Variants in DDX60L observed in about 807,000 individuals in gnomAD.
DDX60L encodes the protein probable ATP-dependent RNA helicase DDX60-like.
DDX60L carries 191 observed loss-of-function variants against 211.6 expected under a neutral mutation model. The ratio of observed to expected loss-of-function variants is 0.90; its 90% CI spans 0.80 to 1.02. DDX60L has a LOEUF of 1.02. DDX60L is among the 50% of genes least tolerant of loss of function. DDX60L has a pLI of 0.00. For synonymous variants in DDX60L, 706 were observed against 694.1 expected (o/e 1.02, Z -0.27); for missense variants, 2,007 against 1,984.1 (o/e 1.01, Z -0.22).
At chr4:168,424,484 C>T (rs1751156114) in intron 14 of DDX60L, among the ~76,000 whole-genome samples, 1 of 152,128 alleles carries the variant, frequency 6.6e-6, no homozygotes, top group African/African-American at 2.4e-5. Context: ...ATGCAGACCA[C>T]CAATGTATGC....
chr4:168,375,257 G>A, intron 34 of DDX60L, 120 bp downstream of exon 34: 1 of 1,057,302 alleles, frequency 9.5e-7, no homozygotes, highest in Non-Finnish European at 1.4e-6. Context: ...ACTTGGGTTA[G>A]TACAGCTGCC....
In DDX60L at chr4:168,456,094, C is replaced by A. The variant is rs370061220; in HGVS notation, c.782G>T (p.Arg261Leu). 1 of 1,595,692 alleles carries A rather than the reference C, an allele frequency of 6.3e-7. No homozygotes were observed. The highest frequency in any genetic ancestry group is 8.5e-7 in the Non-Finnish European group (1 of 1,172,970). ...TGAACATGAAGTGACACAGAGAACA[C>A]GCTGGATGTCCGATCCTTCTGACCA... ...HLWSEGSDIQ[R>L]VLCVTSCSLS... The change falls in exon 7 of 38, where the codon CGT (arginine) becomes CTT (leucine). Residue 261 changes from arginine to leucine, a missense_variant. Transcript: ENST00000682922.
chr4:168,360,821 A>AG (rs1738974863), intron 37 of DDX60L, among the ~76,000 whole-genome samples: 1 of 152,240 alleles, frequency 6.6e-6, no homozygotes, highest in Non-Finnish European at 1.5e-5. Flanking sequence ...ACTGCTCAGC[A>AG]TTTGTAGAAA....
chr4:168,399,827 T>G (rs76780220), intron 26 of DDX60L, among the ~76,000 whole-genome samples: 639 of 152,318 alleles, frequency 4.2e-3, no homozygotes, highest in African/African-American at 0.014. Flanking sequence ...ACGATTGGTA[T>G]GGCAATTCAT....
At chr4:168,472,291 A>G (rs1047285549) in intron 3 of DDX60L, among the ~76,000 whole-genome samples, 164 bp downstream of exon 3, 11 of 152,190 alleles carry the variant, frequency 7.2e-5, no homozygotes, top group Non-Finnish European at 1.5e-4. Flanking sequence ...CTGTTCAGTG[A>G]CAGCTAAGAC....
chr4:168,442,862 C>T (rs1298733874), intron 9 of DDX60L, among the ~76,000 whole-genome samples: 1 of 151,208 alleles, frequency 6.6e-6, no homozygotes, highest in African/African-American at 2.4e-5. Flanking sequence ...ACATCCACAC[C>T]AAAAACCCAT....
intron 18 of DDX60L, 42 bp downstream of exon 18, chr4:168,420,219 C>T (rs1750268148): frequency 6.9e-7 from 1 of 1,454,584 alleles, no homozygotes; most frequent in African/African-American, 1.4e-5. Context: ...ATAAGTACTG[C>T]TCTATAATTT....
At chr4:168,432,242 T>TTG (rs367842213) in intron 12 of DDX60L, among the ~76,000 whole-genome samples, 19,750 of 147,816 alleles carry the variant, frequency 0.13, 1,774 homozygotes, top group Non-Finnish European at 0.19. Context: ...TATATATATA[T>TTG]TGTGTGTGTG....
intron 30 of DDX60L, among the ~76,000 whole-genome samples, chr4:168,381,846 C>T (rs1489231): frequency 0.92 from 139,921 of 152,146 alleles, 65,467 homozygotes; most frequent in East Asian, 1. Flanking sequence ...TCCTCAAATA[C>T]GCAGGAGCCC....
intron 26 of DDX60L, among the ~76,000 whole-genome samples, chr4:168,396,687 C>A (rs1381794210): frequency 2.0e-5 from 3 of 151,774 alleles, no homozygotes; most frequent in Non-Finnish European, 4.4e-5. Context: ...AGTTCCTAGT[C>A]CTGAAAAAAG....
intron 37 of DDX60L, 110 bp from the exon 38 acceptor site, chr4:168,358,386 A>G: frequency 1.3e-6 from 1 of 765,792 alleles, no homozygotes; most frequent in Admixed American, 3.5e-5. Flanking sequence ...ATCAGATGTA[A>G]ATATGGAGAA....
rs143507913 is a variant in DDX60L, at chr4:168,472,010, A to G, written c.75-74T>C. 170 of 1,255,356 alleles carry G rather than the reference A, an allele frequency of 1.4e-4. 1 individual carries two copies. The East Asian group carries it at 3.6e-3, about 27-fold the overall frequency. The allele number at this position is 1,255,356 out of a possible 1,614,324, so 77.8% of individuals were successfully genotyped here. A position where few individuals can be genotyped will look rare whatever the true frequency, so the allele number is the denominator to read the frequency against. ...CTTTGTTGCTGTTGTTGTTACTATT[A>G]TTGCATAAGCTACTGTTTGTTGAGT... On this transcript the variant is annotated intron_variant, in intron 3 of 37. Transcript: ENST00000682922.
chr4:168,450,019 C>A (rs1304592276), intron 8 of DDX60L, among the ~76,000 whole-genome samples: 1 of 152,124 alleles, frequency 6.6e-6, no homozygotes, highest in Non-Finnish European at 1.5e-5. Flanking sequence ...AAGATGATAA[C>A]AGCCCTTTCT....
chr4:168,374,742 T>C (rs982082135), intron 34 of DDX60L, among the ~76,000 whole-genome samples: 14 of 152,240 alleles, frequency 9.2e-5, no homozygotes. Context: ...GTGGCTACCA[T>C]GTTGGGTAGA....
intron 1 of DDX60L, among the ~76,000 whole-genome samples, chr4:168,478,857 T>C (rs996501144): frequency 2.0e-5 from 3 of 152,180 alleles, no homozygotes; most frequent in Non-Finnish European, 2.9e-5. Flanking sequence ...ACTGTGAGAC[T>C]AAGTATGAAG....
chr4:168,420,168 A>G (rs1023458291), intron 18 of DDX60L, 93 bp downstream of exon 18: 1 of 1,075,978 alleles, frequency 9.3e-7, no homozygotes, highest in Non-Finnish European at 1.3e-6. Flanking sequence ...AATGATTTCT[A>G]TAAGGGCTTG....
intron 4 of DDX60L, among the ~76,000 whole-genome samples, chr4:168,466,112 TAAAA>T (rs898067573): frequency 1.3e-5 from 2 of 151,060 alleles, no homozygotes; most frequent in Non-Finnish European, 3.0e-5. Flanking sequence ...AAATAGAAAA[TAAAA>T]AAGATCTTAG....
intron 13 of DDX60L, among the ~76,000 whole-genome samples, chr4:168,429,370 G>A (rs891340195): frequency 3.9e-5 from 6 of 152,112 alleles, no homozygotes; most frequent in South Asian, 4.1e-4. Flanking sequence ...GGCTGGTGTC[G>A]AACTCCTGAC....
intron 24 of DDX60L, among the ~76,000 whole-genome samples, chr4:168,405,350 G>GA (rs1462565734): frequency 1.3e-5 from 2 of 152,012 alleles, no homozygotes; most frequent in Admixed American, 1.3e-4. Flanking sequence ...CCACCAGAGT[G>GA]AAAAATGCAA....
Sources: allele counts gnomAD v4.1 joint callset (sites outside exome capture counted in the v4.1 genomes callset), GRCh38; gene constraint gnomAD v4.1.1; transcripts MANE v1.5; gene names NCBI Gene and HGNC (gene_info 2026-07-23, HGNC 2026-07-21).